Variants in PPP3CA observed in about 807,000 individuals in gnomAD.
PPP3CA encodes protein phosphatase 3 catalytic subunit alpha.
In PPP3CA, 14 loss-of-function variants were observed where a neutral mutation model predicts 66.5. That is an observed-to-expected ratio of 0.21 (90% CI 0.14 to 0.33). The LOEUF (loss-of-function observed/expected upper bound fraction) is 0.33, where lower values mean the gene tolerates loss of function less well. Ranked by LOEUF, PPP3CA falls within the 10% of genes least tolerant of loss-of-function variation. The pLI is 1.00. For missense variants in PPP3CA, 317 were observed against 639.5 expected (o/e 0.50, Z 5.44); for synonymous variants, 232 against 226.2 (o/e 1.03, Z -0.23).
At chr4:101,167,183 T>G (rs1366945139) in intron 2 of PPP3CA, among the ~76,000 whole-genome samples, 2 of 152,164 alleles carry the variant, frequency 1.3e-5, no homozygotes, top group Non-Finnish European at 2.9e-5. Flanking sequence ...ATGCCCATTA[T>G]TAGGGGAGAT....
At chr4:101,046,067 T>A (rs888070272) in intron 10 of PPP3CA, among the ~76,000 whole-genome samples, 5 of 152,180 alleles carry the variant, frequency 3.3e-5, no homozygotes, top group African/African-American at 1.2e-4. Flanking sequence ...TTCCTTTATG[T>A]AACAGGGGAG....
intron 1 of PPP3CA, among the ~76,000 whole-genome samples, chr4:101,271,462 A>G (rs1290917020): frequency 6.6e-6 from 1 of 152,182 alleles, no homozygotes; most frequent in African/African-American, 2.4e-5. Flanking sequence ...AATCAGAGAA[A>G]GTAAACATAA....
chr4:101,303,251 T>C (rs1728434133), intron 1 of PPP3CA, among the ~76,000 whole-genome samples: 1 of 152,220 alleles, frequency 6.6e-6, no homozygotes, highest in Admixed American at 6.5e-5. Flanking sequence ...AAAATTCTAC[T>C]GATACTTTTA....
At chr4:101,168,046 C>T (rs1723748614) in intron 2 of PPP3CA, among the ~76,000 whole-genome samples, 1 of 152,062 alleles carries the variant, frequency 6.6e-6, no homozygotes. Context: ...ACACTGACCA[C>T]TGGGTTGAGA....
chr4:101,341,484 A>G (rs1458586524), intron 1 of PPP3CA, among the ~76,000 whole-genome samples: 3 of 152,192 alleles, frequency 2.0e-5, no homozygotes, highest in Non-Finnish European at 4.4e-5. Flanking sequence ...TTTCAATGCT[A>G]ATGGTTCTGA....
intron 1 of PPP3CA, among the ~76,000 whole-genome samples, chr4:101,331,678 A>G (rs1486784831): frequency 6.6e-6 from 1 of 152,252 alleles, no homozygotes; most frequent in Non-Finnish European, 1.5e-5. Context: ...CAGGTTTTTA[A>G]GTCCTTCAGC....
chr4:101,152,591 T>C (rs1723177423), intron 2 of PPP3CA, among the ~76,000 whole-genome samples: 1 of 152,158 alleles, frequency 6.6e-6, no homozygotes, highest in African/African-American at 2.4e-5. Flanking sequence ...TAATATAAAA[T>C]GCAATAACAT....
chr4:101,135,202 A>G lies in PPP3CA; in HGVS notation c.260-26124T>C, dbSNP rs527560141. On this transcript the variant is annotated intron_variant, in intron 2 of 13. Transcript: ENST00000394854. The stretch of plus-strand genomic sequence containing the variant: ...CCTGCACCTTCTGCACACGTATCAC[A>G]GAACTTAAAGTATAATAACAATAAA... 4.0e-5 allele frequency among the ~76,000 whole-genome samples: 6 copies of G among 151,706 alleles called. No individual in the cohort carries two copies. The South Asian group carries it at 1.3e-3, about 32-fold the overall frequency.
chr4:101,136,580 A>G (rs1296951641), intron 2 of PPP3CA, among the ~76,000 whole-genome samples: 1 of 151,368 alleles, frequency 6.6e-6, no homozygotes, highest in African/African-American at 2.4e-5. Context: ...TTTTTAAAGG[A>G]GCACTCCAGT....
chr4:101,343,287 C>T (rs1219813913), intron 1 of PPP3CA, among the ~76,000 whole-genome samples: 1 of 152,106 alleles, frequency 6.6e-6, no homozygotes, highest in Non-Finnish European at 1.5e-5. Flanking sequence ...TTAATTTCCT[C>T]TAAGTATTTT....
At chr4:101,205,076 G>A (rs1725089632) in intron 1 of PPP3CA, among the ~76,000 whole-genome samples, 2 of 151,538 alleles carry the variant, frequency 1.3e-5, no homozygotes, top group African/African-American at 4.9e-5. Flanking sequence ...TCACTGGGAT[G>A]AATTTAAAGA....
chr4:101,109,343 T>C (rs1445042281), intron 2 of PPP3CA, among the ~76,000 whole-genome samples: 2 of 131,546 alleles, frequency 1.5e-5, no homozygotes, highest in East Asian at 4.6e-4. Context: ...AAGAGAATAA[T>C]AACAATAATG....
chr4:101,118,046 T>C (rs1721899413), intron 2 of PPP3CA, among the ~76,000 whole-genome samples: 1 of 152,104 alleles, frequency 6.6e-6, no homozygotes, highest in African/African-American at 2.4e-5. Context: ...GGACTGTCAT[T>C]ACTGTCCAGA....
chr4:101,033,184 A>C (rs1217254525), intron 11 of PPP3CA, among the ~76,000 whole-genome samples: 1 of 152,082 alleles, frequency 6.6e-6, no homozygotes, highest in Non-Finnish European at 1.5e-5. Context: ...GCAATCCTAC[A>C]TAACCAGAAA....
intron 1 of PPP3CA, among the ~76,000 whole-genome samples, chr4:101,298,573 C>T (rs576550010): frequency 1.3e-5 from 2 of 152,228 alleles, no homozygotes; most frequent in Admixed American, 1.3e-4. Context: ...TGATGGTCCA[C>T]TTCCACTTAA....
chr4:101,090,926 AT>A (rs1729904136), intron 6 of PPP3CA, among the ~76,000 whole-genome samples: 1 of 117,220 alleles, frequency 8.5e-6, no homozygotes, highest in African/African-American at 4.0e-5. Flanking sequence ...ATATACACAC[AT>A]ATCTGTGTCT....
At chr4:101,341,763 A>T (rs907115089) in intron 1 of PPP3CA, among the ~76,000 whole-genome samples, 2 of 152,230 alleles carry the variant, frequency 1.3e-5, no homozygotes, top group Non-Finnish European at 2.9e-5. Flanking sequence ...CCTCTTGTAT[A>T]TCAAGAGACT....
intron 1 of PPP3CA, among the ~76,000 whole-genome samples, chr4:101,269,414 C>A (rs569133935): frequency 6.6e-6 from 1 of 151,962 alleles, no homozygotes; most frequent in Admixed American, 6.6e-5. Flanking sequence ...AAATCTAATT[C>A]TCTCTGACTT....
At chr4:101,200,004 T>A (rs1293383442) in intron 1 of PPP3CA, among the ~76,000 whole-genome samples, 4 of 146,308 alleles carry the variant, frequency 2.7e-5, no homozygotes, top group Non-Finnish European at 5.9e-5. Context: ...CTATGGGAAC[T>A]ACATCTCAGA....
Sources: allele counts gnomAD v4.1 joint callset (sites outside exome capture counted in the v4.1 genomes callset), GRCh38; gene constraint gnomAD v4.1.1; transcripts MANE v1.5; gene names NCBI Gene and HGNC (gene_info 2026-07-23, HGNC 2026-07-21).